Variants in SIPA1L2 observed in about 807,000 individuals in gnomAD.
The protein encoded by SIPA1L2 is signal-induced proliferation-associated 1-like protein 2.
A neutral mutation model predicts 163.9 loss-of-function variants in SIPA1L2; 56 were observed. The ratio of observed to expected loss-of-function variants is 0.34; its 90% CI spans 0.28 to 0.43. The LOEUF (loss-of-function observed/expected upper bound fraction) is 0.43. Among genes scored for constraint, SIPA1L2 ranks in the 20% least tolerant of loss-of-function variants. The pLI is 1.00. For missense variants in SIPA1L2, 1,974 were observed against 2,193.5 expected, an observed-to-expected ratio of 0.90 and a Z score of 2.00; for synonymous variants, 877 against 865.7, an observed-to-expected ratio of 1.01 and a Z score of -0.23.
intron 2 of SIPA1L2, among the ~76,000 whole-genome samples, chr1:232,547,913 C>A (rs1344723627): frequency 1.3e-5 from 2 of 152,106 alleles, no homozygotes; most frequent in Non-Finnish European, 2.9e-5. Context: ...GACAAAGGTG[C>A]AAGAGACTGT....
chr1:232,436,800 C>A (rs369204915), intron 15 of SIPA1L2, among the ~76,000 whole-genome samples: 2 of 152,114 alleles, frequency 1.3e-5, no homozygotes, highest in Non-Finnish European at 2.9e-5. Flanking sequence ...TCGGGGGGCA[C>A]GCAAGAGGAA....
intron 18 of SIPA1L2, among the ~76,000 whole-genome samples, chr1:232,424,322 CAAAAAAA>C (rs55961523): frequency 1.5e-4 from 11 of 71,772 alleles, no homozygotes; most frequent in Non-Finnish European, 2.6e-4. Flanking sequence ...GTGAAGCTAA[CAAAAAAA>C]AAAAAAAAAA....
chr1:232,531,697 T>C (rs563592394), intron 2 of SIPA1L2, among the ~76,000 whole-genome samples: 4 of 152,298 alleles, frequency 2.6e-5, no homozygotes, highest in African/African-American at 9.6e-5. Flanking sequence ...AGAATGCAAC[T>C]GAATTTGGGT....
At chr1:232,532,990 A>T (rs1657069996) in intron 2 of SIPA1L2, among the ~76,000 whole-genome samples, 1 of 152,248 alleles carries the variant, frequency 6.6e-6, no homozygotes, top group South Asian at 2.1e-4. Context: ...TTAGCTGTAC[A>T]GATCTTTAAA....
chr1:232,431,630 T>A (rs1373716822), intron 16 of SIPA1L2, among the ~76,000 whole-genome samples: 1 of 152,220 alleles, frequency 6.6e-6, no homozygotes, highest in Non-Finnish European at 1.5e-5. Flanking sequence ...AAATAGTTCC[T>A]TAGCCCCAGC....
chr1:232,415,428 C>T lies in SIPA1L2; in HGVS notation c.4762+66G>A, dbSNP rs546534008. ...AGACAGACGGGCTCCCCTAAGATGC[C>T]GCACAGGCCCTGCAGGAAAGCACTC... is the stretch of plus-strand genomic sequence containing the variant. On this transcript the variant is annotated intron_variant, in intron 19 of 22. Coordinates refer to ENST00000674635, the MANE Select transcript of SIPA1L2 (RefSeq NM_020808.5). 27 of 1,513,432 alleles carry T rather than the reference C, an allele frequency of 1.8e-5. No individual in the cohort carries two copies. The African/African-American group carries it at 1.8e-4, about 10-fold the overall frequency. 93.8% of individuals were successfully genotyped at this position (1,513,432 alleles called of 1,614,324 possible).
intron 1 of SIPA1L2, among the ~76,000 whole-genome samples, chr1:232,577,985 G>T (rs1173163958): frequency 1.3e-5 from 2 of 152,102 alleles, no homozygotes; most frequent in African/African-American, 4.8e-5. Context: ...AGGAAGAGCC[G>T]ATTGATGTGG....
intron 18 of SIPA1L2, among the ~76,000 whole-genome samples, chr1:232,424,282 A>C (rs909376909): frequency 6.8e-6 from 1 of 148,068 alleles, no homozygotes; most frequent in South Asian, 2.2e-4. Context: ...GTGAACCTAA[A>C]ACTGCTCTAA....
chr1:232,521,686 T>C (rs560705420), intron 2 of SIPA1L2, among the ~76,000 whole-genome samples: 5 of 152,310 alleles, frequency 3.3e-5, no homozygotes, highest in Admixed American at 1.3e-4. Flanking sequence ...GTCGACACAG[T>C]ATCATAACAC....
intron 7 of SIPA1L2, among the ~76,000 whole-genome samples, chr1:232,474,762 A>T (rs181642671): frequency 1.4e-3 from 218 of 152,242 alleles, no homozygotes; most frequent in African/African-American, 4.3e-3. Flanking sequence ...AAAAAAAAAA[A>T]TTTTAACGAG....
At chr1:232,619,628 G>A (rs912935613) in intron 1 of SIPA1L2, among the ~76,000 whole-genome samples, 3 of 152,194 alleles carry the variant, frequency 2.0e-5, no homozygotes, top group African/African-American at 4.8e-5. Flanking sequence ...TACCCAGGAC[G>A]GGATGGAAGG....
chr1:232,491,102 C>A (rs755844038), intron 4 of SIPA1L2, 40 bp from the exon 5 acceptor site: 3 of 1,546,742 alleles, frequency 1.9e-6, no homozygotes, highest in Middle Eastern at 1.8e-4. Context: ...AATATTGATT[C>A]TCAATTACCT....
chr1:232,469,223 A>T (rs943450782), intron 8 of SIPA1L2, among the ~76,000 whole-genome samples: 1 of 152,258 alleles, frequency 6.6e-6, no homozygotes, highest in Non-Finnish European at 1.5e-5. Flanking sequence ...AAAGCTCAGG[A>T]GAAAAACAGC....
Position 232,493,678 on chromosome 1 carries a change from G to C in SIPA1L2, c.1484-18C>G. 6.2e-7 allele frequency: 1 copy of C among 1,612,996 alleles called. No individual in the cohort carries two copies. The highest frequency in any genetic ancestry group is 1.1e-5 in the South Asian group (1 of 90,742). ...TTGGTGCTCTATAATGGAAGAGAGA[G>C]GGTGGCATCAAAAGAATGAAAAAGG... On this transcript the variant is annotated intron_variant, in intron 3 of 22. Coordinates refer to ENST00000674635, the MANE Select transcript of SIPA1L2 (RefSeq NM_020808.5).
chr1:232,596,265 T>G (rs982822162), intron 1 of SIPA1L2, among the ~76,000 whole-genome samples: 7 of 152,148 alleles, frequency 4.6e-5, no homozygotes, highest in Non-Finnish European at 7.3e-5. Flanking sequence ...TCAAATCCAT[T>G]TTCCCTCATG....
At chr1:232,468,894 T>C (rs1664658433) in intron 8 of SIPA1L2, among the ~76,000 whole-genome samples, 1 of 152,210 alleles carries the variant, frequency 6.6e-6, no homozygotes, top group Non-Finnish European at 1.5e-5. Flanking sequence ...ATTTGTTATG[T>C]CTGCTTTTTA....
intron 2 of SIPA1L2, among the ~76,000 whole-genome samples, chr1:232,550,653 T>G (rs555828711): frequency 1.3e-5 from 2 of 152,292 alleles, no homozygotes; most frequent in East Asian, 1.9e-4. Context: ...TAATCTCACT[T>G]AAAGGTATCC....
chr1:232,403,429 T>C lies in SIPA1L2; in HGVS notation c.4940+19A>G. On this transcript the variant is annotated intron_variant, in intron 21 of 22. Transcript: ENST00000674635. ...TGCCTGGAACAGCAGGAGGGAGGGG[T>C]CCACAGGGGCTCACATACCCAGTTG... 1 of 1,609,186 alleles carries C rather than the reference T, an allele frequency of 6.2e-7. No individual in the cohort carries two copies. The highest frequency in any genetic ancestry group is 1.3e-5 in the African/African-American group (1 of 74,798).
At chr1:232,604,587 TTTTGG>T (rs1380019272) in intron 1 of SIPA1L2, among the ~76,000 whole-genome samples, 4 of 152,134 alleles carry the variant, frequency 2.6e-5, no homozygotes, top group Non-Finnish European at 4.4e-5. Context: ...TTGGGTTTTG[TTTTGG>T]TTTGGTTTGG....
Sources: allele counts gnomAD v4.1 joint callset (sites outside exome capture counted in the v4.1 genomes callset), GRCh38; gene constraint gnomAD v4.1.1; transcripts MANE v1.5; gene names NCBI Gene and HGNC (gene_info 2026-07-23, HGNC 2026-07-21).